Variants in NCF2 observed in about 807,000 individuals in gnomAD.
The protein encoded by NCF2 is neutrophil cytosolic factor 2.
Under a neutral mutation model 70.9 loss-of-function variants are expected in NCF2, and 45 were observed. That is an observed-to-expected ratio of 0.63 (90% CI 0.50 to 0.81). NCF2 has a LOEUF of 0.81. Ranked by LOEUF, NCF2 falls within the 40% of genes least tolerant of loss-of-function variation. The pLI is 0.00. For synonymous variants in NCF2, 203 were observed against 233.6 expected, an observed-to-expected ratio of 0.87 and a Z score of 1.19; for missense variants, 522 against 631.6, an observed-to-expected ratio of 0.83 and a Z score of 1.86.
intron 6 of NCF2, among the ~76,000 whole-genome samples, chr1:183,569,786 C>T (rs943197800): frequency 1.1e-4 from 17 of 152,160 alleles, no homozygotes; most frequent in African/African-American, 2.4e-5. Flanking sequence ...ACAGGGGTTT[C>T]ACCATGTTGG....
At chr1:183,579,004 C>A (rs1376421683) in intron 2 of NCF2, among the ~76,000 whole-genome samples, 1 of 152,214 alleles carries the variant, frequency 6.6e-6, no homozygotes, top group African/African-American at 2.4e-5. Flanking sequence ...GGTTGTGGCT[C>A]ACACCTGGGC....
chr1:183,571,354 G>A (rs1039315702), intron 5 of NCF2, among the ~76,000 whole-genome samples: 1 of 152,038 alleles, frequency 6.6e-6, no homozygotes, highest in Non-Finnish European at 1.5e-5. Flanking sequence ...CTGACCTCAG[G>A]TGATCTACCC....
At chr1:183,569,278 T>C in intron 6 of NCF2, 93 bp from the exon 7 acceptor site, 2 of 1,171,714 alleles carry the variant, frequency 1.7e-6, no homozygotes, top group Non-Finnish European at 1.3e-6. Context: ...TGAGCATTCT[T>C]CCAGACCAGA....
At chr1:183,588,158 T>C (rs1423308103) in intron 1 of NCF2, among the ~76,000 whole-genome samples, 2 of 152,076 alleles carry the variant, frequency 1.3e-5, no homozygotes, top group Non-Finnish European at 2.9e-5. Flanking sequence ...TGCTATGAAG[T>C]GAAGGTAGAG....
intron 2 of NCF2, among the ~76,000 whole-genome samples, chr1:183,584,637 A>G (rs1673255887): frequency 6.6e-6 from 1 of 152,118 alleles, no homozygotes. Context: ...AGACTATTAG[A>G]GGTCACTAAG....
At chr1:183,589,148 G>A (rs969029595) in intron 1 of NCF2, among the ~76,000 whole-genome samples, 10 of 152,212 alleles carry the variant, frequency 6.6e-5, no homozygotes, top group African/African-American at 1.4e-4. Context: ...CCTGTCAGGA[G>A]GGTGTGGCTG....
intron 14 of NCF2, 71 bp downstream of exon 14, chr1:183,560,025 C>A: frequency 1.3e-6 from 2 of 1,493,622 alleles, no homozygotes; most frequent in Non-Finnish European, 1.9e-6. Context: ...TTGATATTTT[C>A]TTCTCTCTGC....
chr1:183,567,834 T>C (rs1672379572), intron 7 of NCF2, among the ~76,000 whole-genome samples: 1 of 151,838 alleles, frequency 6.6e-6, no homozygotes, highest in African/African-American at 2.4e-5. Context: ...GTGAGCAGGG[T>C]AGGTGACAGG....
At chr1:183,562,081 T>C (rs909348649) in intron 13 of NCF2, among the ~76,000 whole-genome samples, 3 of 152,088 alleles carry the variant, frequency 2.0e-5, no homozygotes, top group African/African-American at 7.2e-5. Flanking sequence ...GAAAGCCTGC[T>C]TTGTTGCCTC....
chr1:183,600,195 C>T, the NCF2 span, among the ~76,000 whole-genome samples: 1 of 152,214 alleles, frequency 6.6e-6, no homozygotes, highest in Non-Finnish European at 1.5e-5. Context: ...AACCCAACTG[C>T]CCAAACATCG....
chr1:183,560,764 G>A (rs777609586), intron 13 of NCF2, among the ~76,000 whole-genome samples: 3 of 152,184 alleles, frequency 2.0e-5, no homozygotes, highest in Admixed American at 6.5e-5. Flanking sequence ...GGGACCCCTG[G>A]GATAAATGAA....
intron 3 of NCF2, among the ~76,000 whole-genome samples, chr1:183,575,061 A>C (rs1672736003): frequency 6.6e-6 from 1 of 152,204 alleles, no homozygotes; most frequent in African/African-American, 2.4e-5. Flanking sequence ...ACCTCCTGCC[A>C]CTGTACCTAG....
rs1246275293 is a variant in NCF2 at position 183,570,785 on chromosome 1, G to C, written c.664C>G (p.Pro222Ala). The C allele has an allele frequency of 1.2e-6, 2 of 1,614,186 alleles. No homozygotes were observed. The highest frequency in any genetic ancestry group is 2.2e-5 in the South Asian group (2 of 91,088). ...GAAGGTCAGGACTGCCTTACCTGTGGTTGCAGAGGGGCAAACCCAGAGAAA... is the reference window on the plus strand; with the variant it reads ...GAAGGTCAGGACTGCCTTACCTGTGCTTGCAGAGGGGCAAACCCAGAGAAA... ...DSFSGFAPLQ[P>A]QAAEPPPRPK... Residue 222 changes from proline (P) to alanine (A), a missense_variant, in exon 6 of 15, where the codon CCA becomes GCA. Pro to Ala is a conservative substitution (Grantham distance 27). Transcript: ENST00000367535.
chr1:183,579,792 G>C (rs1672978287), intron 2 of NCF2, among the ~76,000 whole-genome samples: 1 of 148,740 alleles, frequency 6.7e-6, no homozygotes. Context: ...ATACCTCACA[G>C]GTTCATTGTG....
the NCF2 span, among the ~76,000 whole-genome samples, chr1:183,597,296 A>G: frequency 0.11 from 16,544 of 152,114 alleles, 994 homozygotes; most frequent in Admixed American, 0.15. Flanking sequence ...CTGTCTCAGG[A>G]TAGTTTTTGT....
intron 10 of NCF2, among the ~76,000 whole-genome samples, chr1:183,564,775 C>T (rs11811630): frequency 0.46 from 69,236 of 151,972 alleles, 16,159 homozygotes; most frequent in East Asian, 0.62. Context: ...GCAGGAGCAA[C>T]GGGAGAAATT....
At chr1:183,560,414 T>A in intron 13 of NCF2, 141 bp from the exon 14 acceptor site, 1 of 941,786 alleles carries the variant, frequency 1.1e-6, no homozygotes, top group Non-Finnish European at 1.7e-6. Flanking sequence ...TGTGTAGAGC[T>A]TATATGCTCT....
chr1:183,568,695 A>G (rs1672415633), intron 7 of NCF2, among the ~76,000 whole-genome samples: 2 of 149,732 alleles, frequency 1.3e-5, no homozygotes, highest in Admixed American at 1.4e-4. Context: ...TCCTGACTCC[A>G]GAGAGCTCTG....
chr1:183,561,779 C>CTTTTT (rs57218247), intron 13 of NCF2, among the ~76,000 whole-genome samples: 4 of 65,158 alleles, frequency 6.1e-5, no homozygotes, highest in African/African-American at 2.2e-4. Context: ...TACCAGGCCT[C>CTTTTT]TTTTTTTTTT....
Sources: gnomAD v4.1 joint callset for allele counts (sites outside exome capture counted in the v4.1 genomes callset) on GRCh38, gnomAD v4.1.1 for gene constraint, MANE v1.5 for transcripts, NCBI Gene and HGNC (gene_info 2026-07-23, HGNC 2026-07-21) for gene names.